Variants in ABCA1 observed in about 807,000 individuals in gnomAD.
ABCA1 encodes phospholipid-transporting ATPase ABCA1.
ABCA1 carries 133 observed loss-of-function variants against 262.5 expected under a neutral mutation model. The ratio of observed to expected loss-of-function variants is 0.51; its 90% CI spans 0.44 to 0.59. The LOEUF (loss-of-function observed/expected upper bound fraction) is 0.59. Among genes scored for constraint, ABCA1 ranks in the 20% least tolerant of loss-of-function variants. The probability of loss-of-function intolerance (pLI) is 0.00; values close to 1 mark genes in which losing one functional copy is unlikely to be tolerated. For missense variants in ABCA1, 2,452 were observed against 2,777.5 expected, an observed-to-expected ratio of 0.88 and a Z score of 2.63; for synonymous variants, 1,022 against 1,043.5, an observed-to-expected ratio of 0.98 and a Z score of 0.40.
chr9:104,857,527 T>G (rs2472441), intron 7 of ABCA1, among the ~76,000 whole-genome samples: 1 of 151,656 alleles, frequency 6.6e-6, no homozygotes, highest in African/African-American at 2.4e-5. Context: ...CCACCACACC[T>G]GGCCGATACA....
rs2119172783 is a variant in ABCA1, at chr9:104,883,168, T to C, written c.303-11A>G. The stretch of plus-strand genomic sequence containing the variant: ...AACAGGCGAGCCACACTGTAAAGGG[T>C]GCAAGAAAAGGCGAAAGGCTTTAGC... On this transcript the variant is annotated splice_polypyrimidine_tract_variant and intron_variant, in intron 4 of 49. Transcript: ENST00000374736. The C allele has an allele frequency of 6.2e-7, 1 of 1,611,402 alleles. No individual in the cohort carries two copies. The highest frequency in any genetic ancestry group is 2.2e-5 in the East Asian group (1 of 44,872).
At chr9:104,866,520 A>C in intron 5 of ABCA1, among the ~76,000 whole-genome samples, 1 of 147,742 alleles carries the variant, frequency 6.8e-6, no homozygotes, top group African/African-American at 2.5e-5. Context: ...TCACCCTTTC[A>C]CCCAGGCTGG....
intron 5 of ABCA1, among the ~76,000 whole-genome samples, chr9:104,878,943 T>C (rs1838382992): frequency 6.6e-6 from 1 of 152,026 alleles, no homozygotes; most frequent in Non-Finnish European, 1.5e-5. Context: ...GGCCCAGCAC[T>C]GATTACAATA....
intron 7 of ABCA1, among the ~76,000 whole-genome samples, chr9:104,851,425 C>T (rs913305339): frequency 1.1e-4 from 16 of 152,178 alleles, no homozygotes; most frequent in African/African-American, 3.9e-4. Flanking sequence ...CTCCCCACAG[C>T]TATATCTGCT....
rs777767664 is a variant in ABCA1, at chr9:104,837,577, AGAG to A, written c.1055-13_1055-11del. The A allele has an allele frequency of 1.1e-5, 18 of 1,613,900 alleles. No homozygotes were observed. In the Admixed American group the frequency reaches 1.3e-4, roughly 12 times the overall value. On this transcript the variant is annotated splice_polypyrimidine_tract_variant and intron_variant, in intron 9 of 49. Coordinates refer to ENST00000374736, the MANE Select transcript of ABCA1 (RefSeq NM_005502.4). ...TCATTGCAGTAAGGAGCTATGAAGA[AGAG>A]GAGAGACAAATGCTCATATGCATGG...
chr9:104,801,018 T>G (rs1175947610), intron 34 of ABCA1, among the ~76,000 whole-genome samples: 1 of 151,486 alleles, frequency 6.6e-6, no homozygotes, highest in African/African-American at 2.4e-5. Flanking sequence ...AGGGTCTGTT[T>G]TATCAGAGCC....
At chr9:104,927,661 G>C (rs1373588311) in intron 1 of ABCA1, 1 of 152,324 alleles carries the variant, frequency 6.6e-6, no homozygotes, top group East Asian at 1.9e-4. Flanking sequence ...CTCTGAGCCC[G>C]GGGTACTGCG....
Position 104,825,830 on chromosome 9 carries a change from C to T in ABCA1, c.2395G>A (p.Glu799Lys). ...FGCEYFALFEEQGIGVQWDNL... is the reference protein window; with the variant it reads ...FGCEYFALFEKQGIGVQWDNL... The stretch of plus-strand genomic sequence containing the variant: ...TCCCACTGCACTCCAATGCCCTGCT[C>T]CTCAAAAAGGGCAAAGTACTCACAG... The change falls in exon 17 of 50, where the codon GAG becomes AAG. Residue 799 changes from glutamate to lysine, a missense_variant. Physicochemically the swap from Glu to Lys is moderately conservative, Grantham distance 56. Around this residue, in one of 4 missense-constraint regions of ABCA1, gnomAD observed 1,032 missense variants for 1,089.7 expected, o/e 0.95. Transcript: ENST00000374736. 6.2e-7 allele frequency: 1 copy of T among 1,614,208 alleles called. No individual in the cohort carries two copies. The highest frequency in any genetic ancestry group is 8.5e-7 in the Non-Finnish European group (1 of 1,180,034).
chr9:104,819,893 G>A (rs772755056), intron 21 of ABCA1, 34 bp downstream of exon 21: 1 of 1,610,246 alleles, frequency 6.2e-7, no homozygotes, highest in Non-Finnish European at 8.5e-7. Flanking sequence ...GAGGAGGAGG[G>A]GAGAGGGATA....
At position 104,840,443 on chromosome 9, in the gene ABCA1, G is replaced by T; in HGVS notation, c.890C>A (p.Ser297Tyr). 1 of 1,614,186 alleles carries T rather than the reference G, an allele frequency of 6.2e-7. No homozygotes were observed. The highest frequency in any genetic ancestry group is 8.5e-7 in the Non-Finnish European group (1 of 1,180,044). The change falls in exon 9 of 50, where the codon TCC becomes TAC. Residue 297 changes from serine to tyrosine, a missense_variant. By Grantham distance (144) the Ser-to-Tyr change is moderately radical. Coordinates refer to ENST00000374736, the MANE Select transcript of ABCA1 (RefSeq NM_005502.4). ...FLTNVNSSSS[S>Y]TQIYQAVSRI... ...AGACACAGCCTGGTAGATTTGGGTG[G>T]AGGAGCTGGAGCTGTTCACATTGGT... is the stretch of plus-strand genomic sequence containing the variant.
In ABCA1 at chr9:104,855,522, C is replaced by T. The variant is rs879406625; in HGVS notation, c.720+3000G>A. On this transcript the variant is annotated intron_variant, in intron 7 of 49. Coordinates refer to ENST00000374736, the MANE Select transcript of ABCA1 (RefSeq NM_005502.4). ...GCCTGGCTGAAAACTTCTATCTTGA[C>T]GCAATTGTTTTCAAGGACATAATTT... 137 of 789,602 alleles carry T rather than the reference C, an allele frequency of 1.7e-4. 2 individuals carry two copies. In the East Asian group the frequency reaches 2.0e-3, roughly 12 times the overall value. 48.9% of individuals were successfully genotyped at this position (789,602 alleles called of 1,614,324 possible).
At position 104,829,054 on chromosome 9, in the gene ABCA1, G is replaced by A. The variant is rs34083760; in HGVS notation, c.1977C>T (p.Ile659=). The part of the protein sequence containing the change: ...IYSVAVIIKG[I]VYEKEARLKE... The stretch of plus-strand genomic sequence containing the variant: ...TCAGCCGTGCCTCCTTCTCATACAC[G>A]ATGCCCTTGATGATCACAGCCACTG... Residue 659 remains isoleucine, a synonymous_variant, in exon 15 of 50, where the codon ATC becomes ATT. Transcript: ENST00000374736. 7.3e-4 allele frequency: 1,174 copies of A among 1,614,132 alleles called. 17 individuals are homozygous for A. The African/African-American group carries it at 0.014, about 19-fold the overall frequency.
chr9:104,887,722 C>CTTTT lies in ABCA1; in HGVS notation c.160+1376_160+1379dup, dbSNP rs56828334. Among the ~76,000 whole-genome samples, 250 of 98,840 alleles carry CTTTT rather than the reference C, an allele frequency of 2.5e-3. 2 individuals are homozygous for CTTTT. Among genetic ancestry groups the CTTTT allele is most frequent in the Middle Eastern group, 7.6e-3 (1 of 132 alleles). 64.8% of individuals were successfully genotyped at this position (98,840 alleles called of 152,430 possible). ...AATTGCATATAAATTTCAGTTTATG[C>CTTTT]TTTTTTTTTTTTTTTTTTTTTTGAG... On this transcript the variant is annotated intron_variant, in intron 3 of 49. Coordinates refer to ENST00000374736, the MANE Select transcript of ABCA1 (RefSeq NM_005502.4).
chr9:104,824,419 C>A (rs1564135469), intron 18 of ABCA1, 46 bp downstream of exon 18: 2 of 1,612,708 alleles, frequency 1.2e-6, no homozygotes, highest in South Asian at 1.1e-5. Flanking sequence ...TTAGCAGAGG[C>A]AGCAGCACTA....
chr9:104,827,070 G>A lies in ABCA1; in HGVS notation c.2215C>T (p.Leu739Phe). 1 of 1,614,190 alleles carries A rather than the reference G, an allele frequency of 6.2e-7. No homozygotes were observed. The highest frequency in any genetic ancestry group is 8.5e-7 in the Non-Finnish European group (1 of 1,180,036). ...GCTGCCAGGTTGGCTCTGGAGAAGA[G>A]TGTGCTAATCAGGAAGCACTGCAGG... ...TILQCFLIST[L>F]FSRANLAAAC... Residue 739 changes from leucine (L) to phenylalanine (F), a missense_variant, in exon 16 of 50, where the codon CTC (leucine) becomes TTC (phenylalanine). Around this residue, in one of 4 missense-constraint regions of ABCA1, gnomAD observed 1,032 missense variants for 1,089.7 expected, o/e 0.95. Coordinates refer to ENST00000374736, the MANE Select transcript of ABCA1 (RefSeq NM_005502.4).
intron 10 of ABCA1, 68 bp from the exon 11 acceptor site, chr9:104,837,164 T>A: frequency 1.5e-6 from 2 of 1,340,632 alleles, no homozygotes; most frequent in Non-Finnish European, 1.1e-6. Context: ...AGCGTTTGGC[T>A]CCTCCCTGAA....
intron 1 of ABCA1, among the ~76,000 whole-genome samples, chr9:104,904,209 A>G (rs2118436943): frequency 6.6e-6 from 1 of 152,314 alleles, no homozygotes; most frequent in South Asian, 2.1e-4. Flanking sequence ...AGTGACTTAT[A>G]CTATTCCCTG....
chr9:104,876,597 A>G lies in ABCA1; in HGVS notation c.421+6442T>C, dbSNP rs539060876. ...CTAATGAACCCATTAGGTATCACTAAGCAATACATTTTAAGTAGCTGAAAA... is the reference window on the plus strand; with the variant it reads ...CTAATGAACCCATTAGGTATCACTAGGCAATACATTTTAAGTAGCTGAAAA... On this transcript the variant is annotated intron_variant, in intron 5 of 49. Transcript: ENST00000374736. 2.0e-5 allele frequency among the ~76,000 whole-genome samples: 3 copies of G among 152,362 alleles called. No homozygotes were observed. In the East Asian group the frequency reaches 5.8e-4, roughly 29 times the overall value.
intron 1 of ABCA1, among the ~76,000 whole-genome samples, chr9:104,924,269 A>C (rs896966271): frequency 6.6e-6 from 1 of 152,092 alleles, no homozygotes; most frequent in Non-Finnish European, 1.5e-5. Flanking sequence ...AATGACCATA[A>C]CAACTACTAT....
Sources: gnomAD v4.1 joint callset for allele counts (sites outside exome capture counted in the v4.1 genomes callset) on GRCh38, gnomAD v4.1.1 for gene constraint, gnomAD v4.1.1 regional missense constraint, MANE v1.5 for transcripts, NCBI Gene and HGNC (gene_info 2026-07-23, HGNC 2026-07-21) for gene names.